Variants in ITGA1 observed in about 807,000 individuals in gnomAD.
ITGA1 encodes integrin subunit alpha 1, also known as integrin alpha-1.
A neutral mutation model predicts 145.9 loss-of-function variants in ITGA1; 85 were observed. That is an observed-to-expected ratio of 0.58 (90% CI 0.49 to 0.70). ITGA1 has a LOEUF of 0.70. ITGA1 is among the 30% of genes least tolerant of loss of function. The pLI, the probability that ITGA1 is intolerant of heterozygous loss-of-function variation, is 0.00. For synonymous variants in ITGA1, 520 were observed against 495.3 expected (o/e 1.05, Z -0.66); for missense variants, 1,351 against 1,418.7 (o/e 0.95, Z 0.77).
rs545832491 is a variant in ITGA1 at position 52,848,582 on chromosome 5, TA to T, written c.62-782del. Among the ~76,000 whole-genome samples, 340 of 152,300 alleles carry T rather than the reference TA, an allele frequency of 2.2e-3. 1 individual carries two copies. The highest frequency in any genetic ancestry group is 3.1e-3 in the Non-Finnish European group (214 of 68,036). ...TTTTTATTTTTTATTGTATTATTAT[TA>T]TTTTTTTATTACACTTTAAGTTCTA... On this transcript the variant is annotated intron_variant, in intron 1 of 28. Transcript: ENST00000282588.
At chr5:52,819,090 AGTGCCGCAATAAACACACGTGTGCAT>A (rs1748823880) in intron 1 of ITGA1, among the ~76,000 whole-genome samples, 1 of 152,204 alleles carries the variant, frequency 6.6e-6, no homozygotes, top group Non-Finnish European at 1.5e-5. Flanking sequence ...TATTGTGAAT[AGTGCCGCAATAAACACACGTGTGCAT>A]GTGTCTTTAT....
chr5:52,901,354 C>T (rs1750311317), intron 11 of ITGA1, among the ~76,000 whole-genome samples: 1 of 152,128 alleles, frequency 6.6e-6, no homozygotes, highest in Admixed American at 6.6e-5. Context: ...TGCCAGACTT[C>T]TAATAAACAG....
chr5:52,944,122 G>A (rs1172942484), intron 26 of ITGA1, among the ~76,000 whole-genome samples: 1 of 152,122 alleles, frequency 6.6e-6, no homozygotes, highest in Non-Finnish European at 1.5e-5. Context: ...CCTCTCTGAA[G>A]GAGATGGGGA....
intron 14 of ITGA1, among the ~76,000 whole-genome samples, chr5:52,913,637 G>T (rs543231547): frequency 1.5e-4 from 23 of 152,248 alleles, no homozygotes; most frequent in African/African-American, 5.3e-4. Flanking sequence ...TAGTTGGTTA[G>T]ATATTGAACA....
intron 24 of ITGA1, among the ~76,000 whole-genome samples, chr5:52,938,046 G>A (rs1750998098): frequency 6.6e-6 from 1 of 152,148 alleles, no homozygotes; most frequent in South Asian, 2.1e-4. Flanking sequence ...TGTCTGCAAA[G>A]ACCCTATTTC....
rs116257592 is a variant in ITGA1, at chr5:52,857,483, G to A, written c.183-3964G>A. Among the ~76,000 whole-genome samples the A allele has an allele frequency of 3.9e-3, 593 of 150,622 alleles. 4 individuals are homozygous for A. The highest frequency in any genetic ancestry group is 0.014 in the African/African-American group (574 of 41,048). ...TTTGTCATTGCCCTGAAAAAAAAAA[G>A]CCACATTTATTAACACTGCCCATCT... On this transcript the variant is annotated intron_variant, in intron 2 of 28. Coordinates refer to ENST00000282588, the MANE Select transcript of ITGA1 (RefSeq NM_181501.2).
intron 17 of ITGA1, among the ~76,000 whole-genome samples, chr5:52,922,065 C>A (rs1434237275): frequency 6.6e-6 from 1 of 152,102 alleles, no homozygotes; most frequent in Non-Finnish European, 1.5e-5. Context: ...CTTTGGGAGG[C>A]TGAGGTGAGT....
intron 1 of ITGA1, chr5:52,801,223 A>T: frequency 7.9e-7 from 1 of 1,271,506 alleles, no homozygotes; most frequent in Non-Finnish European, 1.1e-6. Context: ...GAAAGTCTTT[A>T]CTTAGCTGGG....
chr5:52,818,310 C>T (rs1186882379), intron 1 of ITGA1, among the ~76,000 whole-genome samples: 1 of 151,426 alleles, frequency 6.6e-6, no homozygotes, highest in East Asian at 1.9e-4. Context: ...TAACTGGCCA[C>T]TATTACTTTT....
intron 7 of ITGA1, among the ~76,000 whole-genome samples, chr5:52,886,794 G>T (rs1750058032): frequency 6.6e-6 from 1 of 152,000 alleles, no homozygotes; most frequent in South Asian, 2.1e-4. Context: ...TTGTTTTTGA[G>T]ACGGGAAGGT....
intron 11 of ITGA1, chr5:52,902,976 G>C (rs2111837500): frequency 6.6e-6 from 1 of 151,922 alleles, no homozygotes; most frequent in Non-Finnish European, 1.5e-5. Context: ...CTTGGCTCTG[G>C]CTCTCTTTTT....
At chr5:52,948,397 T>C (rs1267164534) in intron 28 of ITGA1, among the ~76,000 whole-genome samples, 1 of 152,302 alleles carries the variant, frequency 6.6e-6, no homozygotes, top group African/African-American at 2.4e-5. Context: ...AATTATTTAA[T>C]CAAATAGTTT....
intron 2 of ITGA1, among the ~76,000 whole-genome samples, chr5:52,852,007 A>T (rs1361867225): frequency 6.6e-6 from 1 of 152,216 alleles, no homozygotes; most frequent in Non-Finnish European, 1.5e-5. Flanking sequence ...ATAGACTATA[A>T]ATTCAATGGG....
intron 1 of ITGA1, among the ~76,000 whole-genome samples, chr5:52,834,691 G>C (rs1749135993): frequency 6.6e-6 from 1 of 151,072 alleles, no homozygotes; most frequent in Non-Finnish European, 1.5e-5. Flanking sequence ...AAGAAAGAAG[G>C]GGAAGGAAGG....
At chr5:52,899,021 C>A (rs1482703629) in intron 11 of ITGA1, among the ~76,000 whole-genome samples, 2 of 152,074 alleles carry the variant, frequency 1.3e-5, no homozygotes, top group Non-Finnish European at 2.9e-5. Context: ...AGGGAACTCT[C>A]CCCTCACTGA....
chr5:52,864,646 C>A (rs1187847647), intron 3 of ITGA1, 117 bp from the exon 4 acceptor site: 2 of 649,406 alleles, frequency 3.1e-6, no homozygotes, highest in Admixed American at 5.9e-5. Context: ...ATTAGTTGAA[C>A]CAAAAGAAGA....
intron 3 of ITGA1, among the ~76,000 whole-genome samples, chr5:52,861,844 T>C (rs1458137886): frequency 7.2e-6 from 1 of 139,654 alleles, no homozygotes; most frequent in Non-Finnish European, 1.5e-5. Flanking sequence ...CACTCCAGCC[T>C]GGGTGACAGA....
intron 24 of ITGA1, 116 bp downstream of exon 24, chr5:52,937,630 A>T (rs1379975225): frequency 1.4e-6 from 1 of 689,926 alleles, no homozygotes; most frequent in African/African-American, 1.8e-5. Flanking sequence ...TAACATGGAG[A>T]GGTATTTAGA....
At chr5:52,926,498 AG>A (rs200011036) in intron 19 of ITGA1, among the ~76,000 whole-genome samples, 34,786 of 151,914 alleles carry the variant, frequency 0.23, 4,466 homozygotes, top group South Asian at 0.36. Flanking sequence ...GCTACTCAGG[AG>A]GCTGAGGCAG....
Sources: gnomAD v4.1 joint callset for allele counts (sites outside exome capture counted in the v4.1 genomes callset) on GRCh38, gnomAD v4.1.1 for gene constraint, MANE v1.5 for transcripts, NCBI Gene and HGNC (gene_info 2026-07-23, HGNC 2026-07-21) for gene names.